The following GUCY1A2 variants were observed in gnomAD, a reference collection of about 807,000 sequenced individuals.
GUCY1A2 encodes the protein guanylate cyclase 1 soluble subunit alpha 2, also known as guanylate cyclase soluble subunit alpha-2.
A neutral mutation model predicts 63.5 loss-of-function variants in GUCY1A2; 27 were observed. The observed-to-expected ratio is 0.43, with a 90% CI of 0.31 to 0.59. GUCY1A2 has a LOEUF of 0.59. Ranked by LOEUF, GUCY1A2 falls within the 20% of genes least tolerant of loss-of-function variation. The probability of loss-of-function intolerance (pLI) is 0.11; values close to 1 mark genes in which losing one functional copy is unlikely to be tolerated. For missense variants in GUCY1A2, 768 were observed against 913.3 expected (o/e 0.84, Z 2.05); for synonymous variants, 364 against 343.5 (o/e 1.06, Z -0.66).
chr11:106,717,527 CT>C (rs1863236669), intron 6 of GUCY1A2, among the ~76,000 whole-genome samples: 3 of 152,122 alleles, frequency 2.0e-5, no homozygotes, highest in Admixed American at 2.0e-4. Flanking sequence ...TTGAAACAGT[CT>C]TATTTGTGCA....
At chr11:106,994,024 C>T (rs1453879418) in intron 1 of GUCY1A2, among the ~76,000 whole-genome samples, 1 of 152,190 alleles carries the variant, frequency 6.6e-6, no homozygotes, top group Non-Finnish European at 1.5e-5. Flanking sequence ...ACTGGTTTAA[C>T]ATCTGGGCCA....
chr11:106,756,517 C>G (rs1421299119), intron 6 of GUCY1A2, among the ~76,000 whole-genome samples: 1 of 152,136 alleles, frequency 6.6e-6, no homozygotes, highest in African/African-American at 2.4e-5. Context: ...GTGCTTCCTT[C>G]AGGAGCTCTT....
chr11:106,829,863 C>T (rs567003132), intron 4 of GUCY1A2, among the ~76,000 whole-genome samples: 120 of 152,240 alleles, frequency 7.9e-4, no homozygotes, highest in African/African-American at 2.6e-3. Context: ...AGAACACAAT[C>T]CAGGCAGGAC....
intron 4 of GUCY1A2, among the ~76,000 whole-genome samples, chr11:106,873,605 T>C (rs1001863391): frequency 5.3e-5 from 8 of 152,180 alleles, no homozygotes; most frequent in Non-Finnish European, 1.2e-4. Flanking sequence ...TGCCCACTTT[T>C]TCATGGGGTT....
chr11:106,736,620 T>A (rs1288728585), intron 6 of GUCY1A2, among the ~76,000 whole-genome samples: 1 of 152,210 alleles, frequency 6.6e-6, no homozygotes. Context: ...TTGGGTCTTT[T>A]ATGGTTCCAT....
rs1591226731 is a variant in GUCY1A2, at chr11:106,680,704, G to C, written c.*6845C>G. On this transcript the variant is annotated 3_prime_UTR_variant, in exon 8 of 8. Transcript: ENST00000526355. The stretch of plus-strand genomic sequence containing the variant: ...TAAATCAACAATCCGGTTTGATTTT[G>C]ATAGGGAAATTTTCCAAACTGTGGG... 1.9e-5 allele frequency: 4 copies of C among 205,144 alleles called. No homozygotes were observed. The East Asian group carries it at 3.0e-4, about 15-fold the overall frequency. The allele number at this position is 205,144 out of a possible 1,614,324, so 12.7% of individuals were successfully genotyped here.
At chr11:106,796,237 C>A (rs1227873006) in intron 5 of GUCY1A2, among the ~76,000 whole-genome samples, 2 of 152,164 alleles carry the variant, frequency 1.3e-5, no homozygotes, top group Admixed American at 1.3e-4. Flanking sequence ...ATACAGCACA[C>A]TGATGGGTCT....
intron 4 of GUCY1A2, among the ~76,000 whole-genome samples, chr11:106,859,773 TATC>T (rs1859484136): frequency 6.6e-6 from 1 of 151,960 alleles, no homozygotes; most frequent in Non-Finnish European, 1.5e-5. Flanking sequence ...GATACACAAA[TATC>T]ATCATGTTAC....
At chr11:106,980,330 G>A (rs1297172255) in intron 2 of GUCY1A2, among the ~76,000 whole-genome samples, 1 of 152,194 alleles carries the variant, frequency 6.6e-6, no homozygotes, top group Non-Finnish European at 1.5e-5. Flanking sequence ...TTAGGTGCAG[G>A]AGCTGGGGCA....
chr11:107,006,005 G>A (rs866445423), intron 1 of GUCY1A2, among the ~76,000 whole-genome samples: 18 of 152,258 alleles, frequency 1.2e-4, no homozygotes, highest in African/African-American at 2.6e-4. Flanking sequence ...TCTATTGATC[G>A]TATGCTATAG....
At chr11:106,808,384 CG>C (rs948058325) in intron 5 of GUCY1A2, among the ~76,000 whole-genome samples, 41 of 151,938 alleles carry the variant, frequency 2.7e-4, no homozygotes, top group African/African-American at 9.7e-4. Context: ...GAAGATCATA[CG>C]GAGTATTTCT....
chr11:106,797,794 A>C (rs1864793907), intron 5 of GUCY1A2, among the ~76,000 whole-genome samples: 1 of 152,204 alleles, frequency 6.6e-6, no homozygotes. Flanking sequence ...TTATAGCACT[A>C]AATGCCCACA....
chr11:106,681,828 G>A lies in GUCY1A2; in HGVS notation c.*5721C>T, dbSNP rs922142798. 4.2e-5 allele frequency: 9 copies of A among 216,352 alleles called. No homozygotes were observed. The highest frequency in any genetic ancestry group is 6.8e-5 in the African/African-American group (3 of 44,338). 13.4% of individuals were successfully genotyped at this position (216,352 alleles called of 1,614,324 possible). On this transcript the variant is annotated 3_prime_UTR_variant, in exon 8 of 8. Coordinates refer to ENST00000526355, the MANE Select transcript of GUCY1A2 (RefSeq NM_000855.3). ...ATTATTGCTTGAAAGGTTGTTACAC[G>A]GTATTGCTTGGAAATCAGTTTTCAG...
At chr11:106,879,752 G>T (rs1249266203) in intron 4 of GUCY1A2, among the ~76,000 whole-genome samples, 1 of 151,864 alleles carries the variant, frequency 6.6e-6, no homozygotes, top group African/African-American at 2.4e-5. Flanking sequence ...ATTTTCATCA[G>T]TATGCCCTCC....
intron 4 of GUCY1A2, among the ~76,000 whole-genome samples, chr11:106,859,007 T>C (rs1269817277): frequency 6.6e-6 from 1 of 152,112 alleles, no homozygotes; most frequent in South Asian, 2.1e-4. Context: ...ACATAGGTTA[T>C]AAAATCTGAA....
chr11:106,713,339 G>GTAAAC (rs1863154353), intron 6 of GUCY1A2, among the ~76,000 whole-genome samples: 1 of 152,014 alleles, frequency 6.6e-6, no homozygotes, highest in African/African-American at 2.4e-5. Context: ...TTTAAAAAAA[G>GTAAAC]TAAACTATTT....
At chr11:106,703,801 T>C (rs1360775630) in intron 7 of GUCY1A2, among the ~76,000 whole-genome samples, 1 of 151,868 alleles carries the variant, frequency 6.6e-6, no homozygotes, top group Non-Finnish European at 1.5e-5. Context: ...ATACTATATA[T>C]ACGATTACAT....
At chr11:106,857,046 A>G (rs1471388713) in intron 4 of GUCY1A2, among the ~76,000 whole-genome samples, 1 of 152,218 alleles carries the variant, frequency 6.6e-6, no homozygotes, top group Admixed American at 6.5e-5. Flanking sequence ...ATCTACTTCT[A>G]TGTCCAAACC....
At chr11:106,834,640 T>C (rs1325882245) in intron 4 of GUCY1A2, among the ~76,000 whole-genome samples, 5 of 152,002 alleles carry the variant, frequency 3.3e-5, no homozygotes, top group Non-Finnish European at 5.9e-5. Flanking sequence ...AGATTTTGCA[T>C]AAAATATAAT....
Sources: gnomAD v4.1 joint callset for allele counts (sites outside exome capture counted in the v4.1 genomes callset) on GRCh38, gnomAD v4.1.1 for gene constraint, MANE v1.5 for transcripts, NCBI Gene and HGNC (gene_info 2026-07-23, HGNC 2026-07-21) for gene names.